Variants in ABCB5 observed in about 807,000 individuals in gnomAD.
ABCB5 encodes ATP binding cassette subfamily B member 5.
In ABCB5, 155 loss-of-function variants were observed where a neutral mutation model predicts 144.2. The ratio of observed to expected loss-of-function variants is 1.08; its 90% confidence interval spans 0.94 to 1.23. The LOEUF is 1.23. ABCB5 is among the 50% of genes most tolerant of loss of function. ABCB5 has a pLI of 0.00. For synonymous variants in ABCB5, 610 were observed against 528.6 expected (o/e 1.15, Z -2.11); for missense variants, 1,830 against 1,520.8 (o/e 1.20, Z -3.38).
intron 5 of ABCB5, among the ~76,000 whole-genome samples, chr7:20,635,176 A>G (rs958321157): frequency 6.6e-6 from 1 of 151,860 alleles, no homozygotes; most frequent in African/African-American, 2.4e-5. Context: ...TTCCCAGTGT[A>G]TGTTTTTGTT....
intron 14 of ABCB5, among the ~76,000 whole-genome samples, chr7:20,671,386 A>G (rs1785455571): frequency 6.6e-6 from 1 of 152,150 alleles, no homozygotes; most frequent in South Asian, 2.1e-4. Context: ...TGATTGGAAA[A>G]ATTTTGGCGT....
intron 20 of ABCB5, among the ~76,000 whole-genome samples, chr7:20,717,328 C>T (rs544330728): frequency 3.9e-5 from 6 of 152,136 alleles, no homozygotes; most frequent in Non-Finnish European, 4.4e-5. Flanking sequence ...ACAAGATGTC[C>T]GCACGATTGG....
At chr7:20,712,026 T>C (rs1583443298) in intron 20 of ABCB5, among the ~76,000 whole-genome samples, 1 of 144,260 alleles carries the variant, frequency 6.9e-6, no homozygotes, top group South Asian at 2.2e-4. Flanking sequence ...GACCACGAGG[T>C]CAGGAGATTG....
intron 14 of ABCB5, among the ~76,000 whole-genome samples, chr7:20,661,377 G>A (rs73684681): frequency 0.11 from 16,229 of 152,006 alleles, 1,050 homozygotes; most frequent in South Asian, 0.18. Context: ...AAACTCTCTG[G>A]TGGTGAAGGC....
In ABCB5 at chr7:20,711,836, CTTTCTTTCTT is replaced by C. The variant is rs1787066237; in HGVS notation, c.2421+7032_2421+7041del. On this transcript the variant is annotated intron_variant, in intron 20 of 27. Transcript: ENST00000404938. ...TCTTTCTTTCTTTCTTTCTTTCTTTCTTTCTTTCTTTTCTTTCTTTCTTTCCTTCCTCCCT... is the reference window on the plus strand; with the variant it reads ...TCTTTCTTTCTTTCTTTCTTTCTTTCTTCTTTCTTTCTTTCCTTCCTCCCT... Among the ~76,000 whole-genome samples, 4 of 57,368 alleles carry C rather than the reference CTTTCTTTCTT, an allele frequency of 7.0e-5. 1 individual carries two copies. The highest frequency in any genetic ancestry group is 6.0e-4 in the African/African-American group (4 of 6,708). The allele number at this position is 57,368 out of a possible 152,430, so 37.6% of individuals were successfully genotyped here. A position where few individuals can be genotyped will look rare whatever the true frequency, so the allele number is the denominator to read the frequency against.
intron 26 of ABCB5, among the ~76,000 whole-genome samples, chr7:20,750,795 T>C (rs1310520324): frequency 6.6e-6 from 1 of 152,102 alleles, no homozygotes; most frequent in Non-Finnish European, 1.5e-5. Flanking sequence ...AATTAGAACA[T>C]GCTGAGTGTA....
chr7:20,643,533 G>T lies in ABCB5; in HGVS notation c.579G>T (p.Ser193=), dbSNP rs200714278. 4 of 1,613,912 alleles carry T rather than the reference G, an allele frequency of 2.5e-6. No individual in the cohort carries two copies. The highest frequency in any genetic ancestry group is 1.1e-5 in the South Asian group (1 of 91,078). The change falls in exon 7 of 28, where the codon TCG becomes TCT. Residue 193 remains serine (S), a synonymous_variant. Coordinates refer to ENST00000404938, the MANE Select transcript of ABCB5 (RefSeq NM_001163941.2). ...ALLFQNMSTF[S]IGLAVGLVKG... is the part of the protein sequence containing the mutation. ...TGTTTCAAAACATGTCTACTTTTTC[G>T]ATTGGCCTGGCAGTTGGTTTGGTGA...
chr7:20,723,767 T>A (rs917376102), intron 21 of ABCB5, among the ~76,000 whole-genome samples: 1 of 152,188 alleles, frequency 6.6e-6, no homozygotes, highest in Non-Finnish European at 1.5e-5. Flanking sequence ...ATATTTTATT[T>A]TTCAAAACAA....
rs1248356046 is a variant in ABCB5 at position 20,645,646 on chromosome 7, T to TA, written c.679-103dup. ...TTTTTAAAAATACAGAGATAAAGTCTAAAAAAATACCATTAGTCTACTTAG... is the reference window on the plus strand; with the variant it reads ...TTTTTAAAAATACAGAGATAAAGTCTAAAAAAAATACCATTAGTCTACTTAG... On this transcript the variant is annotated intron_variant, in intron 7 of 27. Coordinates refer to ENST00000404938, the MANE Select transcript of ABCB5 (RefSeq NM_001163941.2). The TA allele has an allele frequency of 7.4e-6, 10 of 1,359,906 alleles. No individual in the cohort carries two copies. In the South Asian group the frequency reaches 1.2e-4, roughly 16 times the overall value. 84.2% of individuals were successfully genotyped at this position (1,359,906 alleles called of 1,614,324 possible).
rs1782688183 is a variant in ABCB5 at position 20,745,391 on chromosome 7, GC to G, written c.3384del (p.Ala1129GlnfsTer23). 1 of 1,614,098 alleles carries G rather than the reference GC, an allele frequency of 6.2e-7. No individual in the cohort carries two copies. The highest frequency in any genetic ancestry group is 8.5e-7 in the Non-Finnish European group (1 of 1,180,040). The part of the protein sequence containing the change: ...RVVPLDEIKE[A>X]ANAANIHSFI... ...GGTGCCATTAGATGAGATCAAAGAA[GC>G]CGCAAATGCAGCAAATATCCATTCT... On this transcript the variant is annotated frameshift_variant, in exon 26 of 28. Coordinates refer to ENST00000404938, the MANE Select transcript of ABCB5 (RefSeq NM_001163941.2). LOFTEE classifies it high-confidence loss of function.
At position 20,632,047 on chromosome 7, in the gene ABCB5, C is replaced by A. The variant is rs1439030218; in HGVS notation, c.260-12C>A. On this transcript the variant is annotated splice_polypyrimidine_tract_variant and intron_variant, in intron 4 of 27. Coordinates refer to ENST00000404938, the MANE Select transcript of ABCB5 (RefSeq NM_001163941.2). ...TTAATTTCCTCTATATTTTAAATAA[C>A]CTTTTTTACAGCAAATTATCAGAAC... The A allele has an allele frequency of 6.7e-7, 1 of 1,491,410 alleles. No individual in the cohort carries two copies. The highest frequency in any genetic ancestry group is 1.3e-5 in the South Asian group (1 of 76,402). 92.4% of individuals were successfully genotyped at this position (1,491,410 alleles called of 1,614,324 possible). A position where few individuals can be genotyped will look rare whatever the true frequency, so the allele number is the denominator to read the frequency against.
At chr7:20,750,383 TACACACACACACAC>T (rs3033674) in intron 26 of ABCB5, among the ~76,000 whole-genome samples, 9 of 141,088 alleles carry the variant, frequency 6.4e-5, no homozygotes, top group South Asian at 2.3e-4. Context: ...GGCTTCCCCC[TACACACACACACAC>T]ACACACACAC....
chr7:20,659,172 C>G, intron 14 of ABCB5: 1 of 1,613,004 alleles, frequency 6.2e-7, no homozygotes, highest in East Asian at 2.2e-5. Context: ...TCACCCTGAC[C>G]TCCTGCTGCC....
chr7:20,740,149 A>T (rs1782517050), intron 24 of ABCB5, among the ~76,000 whole-genome samples: 1 of 152,184 alleles, frequency 6.6e-6, no homozygotes, highest in African/African-American at 2.4e-5. Context: ...GCGAGACAGG[A>T]GAATCGCTTG....
rs150818104 is a variant in ABCB5, at chr7:20,751,644, C to A, written c.3430-1716C>A. On this transcript the variant is annotated intron_variant, in intron 26 of 27. Coordinates refer to ENST00000404938, the MANE Select transcript of ABCB5 (RefSeq NM_001163941.2). ...TCATGTACAATTTAAGCTAGGCTGG[C>A]AGAAAGGGCTACGAGCTCATTATCA... 3.8e-3 allele frequency among the ~76,000 whole-genome samples: 575 copies of A among 152,256 alleles called. 5 individuals carry two copies. The highest frequency in any genetic ancestry group is 0.01 in the Admixed American group (154 of 15,298).
chr7:20,723,476 A>G (rs1781939041), intron 21 of ABCB5, among the ~76,000 whole-genome samples: 1 of 152,222 alleles, frequency 6.6e-6, no homozygotes, highest in Non-Finnish European at 1.5e-5. Flanking sequence ...TAGAATCCAG[A>G]TTCTATGCTA....
chr7:20,722,077 G>A (rs1308870856), intron 20 of ABCB5, among the ~76,000 whole-genome samples: 1 of 152,146 alleles, frequency 6.6e-6, no homozygotes, highest in Non-Finnish European at 1.5e-5. Flanking sequence ...ATAGGAAATA[G>A]TAAAAAATGC....
chr7:20,727,509 C>T (rs901635606), intron 22 of ABCB5, among the ~76,000 whole-genome samples: 9 of 152,098 alleles, frequency 5.9e-5, no homozygotes, highest in Admixed American at 3.3e-4. Context: ...CTGAGGTGGG[C>T]GGATCACTTA....
At chr7:20,751,947 A>G (rs958245712) in intron 26 of ABCB5, among the ~76,000 whole-genome samples, 3 of 152,232 alleles carry the variant, frequency 2.0e-5, no homozygotes, top group African/African-American at 7.2e-5. Flanking sequence ...GCTACAAAGC[A>G]TGCACCTATG....
Sources: gnomAD v4.1 joint callset for allele counts (sites outside exome capture counted in the v4.1 genomes callset) on GRCh38, gnomAD v4.1.1 for gene constraint, MANE v1.5 for transcripts, NCBI Gene and HGNC (gene_info 2026-07-23, HGNC 2026-07-21) for gene names.